Variants in CSMD2 observed in about 807,000 individuals in gnomAD.
CSMD2 encodes CUB and Sushi multiple domains 2.
CSMD2 carries 130 observed loss-of-function variants against 398.5 expected under a neutral mutation model. The ratio of observed to expected loss-of-function variants is 0.33; its 90% CI spans 0.28 to 0.38. CSMD2 has a LOEUF of 0.38. Ranked by LOEUF, CSMD2 falls within the 10% of genes least tolerant of loss-of-function variation. The probability of loss-of-function intolerance (pLI) is 1.00; values close to 1 mark genes in which losing one functional copy is unlikely to be tolerated. For missense variants in CSMD2, 3,829 were observed against 4,764.9 expected (o/e 0.80, Z 5.78); for synonymous variants, 1,828 against 1,908.5 (o/e 0.96, Z 1.10).
chr1:33,711,862 C>A (rs939397651), intron 21 of CSMD2, among the ~76,000 whole-genome samples: 1 of 152,168 alleles, frequency 6.6e-6, no homozygotes, highest in Admixed American at 6.5e-5. Flanking sequence ...TGTGGCCAGT[C>A]CTTGGCCAAT....
At chr1:34,025,506 G>A (rs908096992) in intron 3 of CSMD2, among the ~76,000 whole-genome samples, 1 of 152,134 alleles carries the variant, frequency 6.6e-6, no homozygotes, top group South Asian at 2.1e-4. Context: ...GTGAACTAGG[G>A]GATCGGGGTG....
chr1:33,770,320 G>A (rs771593577), intron 13 of CSMD2, among the ~76,000 whole-genome samples: 8 of 152,216 alleles, frequency 5.3e-5, no homozygotes, highest in Non-Finnish European at 1.2e-4. Flanking sequence ...TTCAGATTTT[G>A]AAACCAAAGT....
rs147561931 is a variant in CSMD2 at position 33,658,036 on chromosome 1, G to C, written c.4357C>G (p.Pro1453Ala). 1.9e-6 allele frequency: 3 copies of C among 1,614,156 alleles called. No individual in the cohort carries two copies. The highest frequency in any genetic ancestry group is 2.5e-6 in the Non-Finnish European group (3 of 1,180,024). ...AGDSTVFQCD[P>A]GYALQGSAEI... is the part of the protein sequence containing the mutation. ...GCACTTCCCTGCAGCGCGTAGCCAG[G>C]GTCACACTGGAACACTGTGGAGTCG... Residue 1453 changes from proline (P) to alanine (A), a missense_variant, in exon 27 of 71, where the codon CCT (proline) becomes GCT (alanine). This residue lies in a region of CSMD2 where 2,001 missense variants were observed against 2,567.1 expected (regional missense o/e 0.78). Coordinates refer to ENST00000373381, the MANE Select transcript of CSMD2 (RefSeq NM_001281956.2).
chr1:33,955,850 CCATT>C (rs1558156992), intron 3 of CSMD2, among the ~76,000 whole-genome samples: 4 of 152,224 alleles, frequency 2.6e-5, no homozygotes, highest in Non-Finnish European at 5.9e-5. Flanking sequence ...GTTCATCTCT[CCATT>C]CAAACATCCC....
chr1:33,661,503 C>A (rs548141974), intron 26 of CSMD2, among the ~76,000 whole-genome samples: 1 of 152,162 alleles, frequency 6.6e-6, no homozygotes, highest in African/African-American at 2.4e-5. Flanking sequence ...TTCTCAGAGG[C>A]CCCATATTGC....
intron 12 of CSMD2, among the ~76,000 whole-genome samples, chr1:33,783,475 C>CTA (rs1175894352): frequency 7.4e-6 from 1 of 135,980 alleles, no homozygotes; most frequent in African/African-American, 2.7e-5. Context: ...CTCTCTCTCT[C>CTA]CTGTGTGTGC....
intron 4 of CSMD2, among the ~76,000 whole-genome samples, chr1:33,933,216 T>C (rs1644366471): frequency 6.6e-6 from 1 of 152,130 alleles, no homozygotes; most frequent in Non-Finnish European, 1.5e-5. Flanking sequence ...CCAAGAAAAA[T>C]GGACCCAGTT....
Position 33,725,449 on chromosome 1 carries a change from G to C in CSMD2, c.2595C>G (p.Thr865=), listed in dbSNP as rs1443343643. ...TGCTGATGAGGAACTGGGGAACCTG[G>C]GTCCCGTGGTAAACCCCGATCAAGG... ...SAPLIGVYHG[T]QVPQFLISTS... The change falls in exon 17 of 71, where the codon ACC becomes ACG. Residue 865 remains threonine (T), a synonymous_variant. Transcript: ENST00000373381. 6.2e-7 allele frequency: 1 copy of C among 1,614,160 alleles called. No homozygotes were observed. The highest frequency in any genetic ancestry group is 1.7e-5 in the Admixed American group (1 of 60,026).
In CSMD2 at chr1:33,567,576, G is replaced by C. The variant is rs970963761; in HGVS notation, c.8380+17C>G. On this transcript the variant is annotated intron_variant, in intron 53 of 70. Transcript: ENST00000373381. Reference sequence around the variant, plus strand: ...AATCTGAGCCCCATGACTAGGGAGAGTGGATGACATACTTACGCACACAGA... The same window carrying C: ...AATCTGAGCCCCATGACTAGGGAGACTGGATGACATACTTACGCACACAGA... 1.2e-6 allele frequency: 2 copies of C among 1,613,518 alleles called. No individual in the cohort carries two copies. The highest frequency in any genetic ancestry group is 2.7e-5 in the African/African-American group (2 of 74,870).
At chr1:34,066,982 C>T (rs150252242) in intron 2 of CSMD2, among the ~76,000 whole-genome samples, 7 of 152,278 alleles carry the variant, frequency 4.6e-5, no homozygotes, top group South Asian at 2.1e-4. Context: ...TATTGGCAAG[C>T]CTGTCATGCC....
rs1642826668 is a variant in CSMD2 at position 33,636,692 on chromosome 1, T to A, written c.4775-138A>T. On this transcript the variant is annotated intron_variant, in intron 29 of 70. Coordinates refer to ENST00000373381, the MANE Select transcript of CSMD2 (RefSeq NM_001281956.2). This position sits in a 1 kb window ranked among gnomAD's most constrained non-coding sequence, Gnocchi z 4.8. ...CGGGGATGCGTGACTGTGGCTCCTA[T>A]TCCCCTCAGGTCTAGAAACGTCTCT... The A allele has an allele frequency of 3.0e-6, 2 of 659,886 alleles. No homozygotes were observed. Among genetic ancestry groups the A allele is most frequent in the African/African-American group, 3.6e-5 (2 of 54,960 alleles). 40.9% of individuals were successfully genotyped at this position (659,886 alleles called of 1,614,324 possible).
intron 3 of CSMD2, among the ~76,000 whole-genome samples, chr1:33,939,641 T>C (rs74069851): frequency 0.026 from 3,978 of 152,336 alleles, 173 homozygotes; most frequent in African/African-American, 0.089. Flanking sequence ...AAGTCGATTC[T>C]TCTTAAAAAG....
At position 33,819,715 on chromosome 1, in the gene CSMD2, C is replaced by A. The variant is rs754949051; in HGVS notation, c.1322G>T (p.Arg441Leu). 4 of 1,612,998 alleles carry A rather than the reference C, an allele frequency of 2.5e-6. No individual in the cohort carries two copies. In the East Asian group the frequency reaches 6.7e-5, roughly 27 times the overall value. The change falls in exon 9 of 71, where the codon CGA (arginine) becomes CTA (leucine). Residue 441 changes from arginine (R) to leucine (L), a missense_variant and splice_region_variant. By Grantham distance (102) the Arg-to-Leu change is moderately radical. Around this residue, in one of 5 missense-constraint regions of CSMD2, gnomAD observed 2,001 missense variants for 2,567.1 expected, o/e 0.78. Transcript: ENST00000373381. Reference sequence around the variant, plus strand: ...TCCCTTCCCCAGGGCACCCTCACCTCGGCAGACTGGCCTGTGGTCGCTCCA... The same window carrying A: ...TCCCTTCCCCAGGGCACCCTCACCTAGGCAGACTGGCCTGTGGTCGCTCCA... Reference protein sequence around the residue: ...AAWSDHRPVCRARMCDAHLRG... With the variant: ...AAWSDHRPVCLARMCDAHLRG...
At chr1:34,076,928 A>AAAATATATATATAT (rs1232288848) in intron 2 of CSMD2, among the ~76,000 whole-genome samples, 1 of 53,600 alleles carries the variant, frequency 1.9e-5, no homozygotes, top group Admixed American at 3.1e-4. Flanking sequence ...AAAAAAAAAA[A>AAAATATATATATAT]ATATATATAT....
intron 70 of CSMD2, among the ~76,000 whole-genome samples, chr1:33,517,161 T>A (rs1244867008): frequency 2.6e-5 from 4 of 152,176 alleles, no homozygotes; most frequent in Non-Finnish European, 5.9e-5. Context: ...TAAAAAAAAA[T>A]TACCATCTAG....
intron 25 of CSMD2, among the ~76,000 whole-genome samples, chr1:33,688,456 G>A (rs890024950): frequency 6.6e-6 from 1 of 152,208 alleles, no homozygotes; most frequent in African/African-American, 2.4e-5. Flanking sequence ...GTGAGGAGGA[G>A]TAAGATTACA....
intron 3 of CSMD2, among the ~76,000 whole-genome samples, chr1:34,008,208 G>A (rs543553464): frequency 1.3e-5 from 2 of 152,246 alleles, no homozygotes; most frequent in South Asian, 2.1e-4. Flanking sequence ...CTCCCCACAG[G>A]TTCCTTCATT....
chr1:33,694,648 G>A (rs1645357319), intron 24 of CSMD2, among the ~76,000 whole-genome samples: 1 of 152,298 alleles, frequency 6.6e-6, no homozygotes, highest in African/African-American at 2.4e-5. Context: ...CCCCAGCCAT[G>A]AGGAACTGTG....
At chr1:33,912,373 CGGGT>C (rs1419821468) in intron 5 of CSMD2, among the ~76,000 whole-genome samples, 2 of 151,808 alleles carry the variant, frequency 1.3e-5, no homozygotes, top group African/African-American at 4.9e-5. Context: ...AGAAATCCCA[CGGGT>C]GGAAAGGAGC....
Sources: gnomAD v4.1 joint callset for allele counts (sites outside exome capture counted in the v4.1 genomes callset) on GRCh38, gnomAD v4.1.1 for gene constraint, gnomAD v4.1.1 regional missense constraint, Gnocchi (gnomAD v3.1) non-coding constraint, MANE v1.5 for transcripts, NCBI Gene and HGNC (gene_info 2026-07-23, HGNC 2026-07-21) for gene names.